NBPF10: variants seen among roughly 807,000 people sequenced by gnomAD.
NBPF10 encodes the protein NBPF member 10.
Under a neutral mutation model 77.9 loss-of-function variants are expected in NBPF10, and 63 were observed. The observed-to-expected ratio is 0.81, with a 90% confidence interval of 0.66 to 1.00. NBPF10 has a LOEUF of 1.00. Ranked by LOEUF, NBPF10 falls within the 50% of genes least tolerant of loss-of-function variation. The probability of loss-of-function intolerance (pLI) is 0.00; values close to 1 mark genes in which losing one functional copy is unlikely to be tolerated. For synonymous variants in NBPF10, 146 were observed against 264.5 expected, an observed-to-expected ratio of 0.55 and a Z score of 4.35; for missense variants, 522 against 679.8, an observed-to-expected ratio of 0.77 and a Z score of 2.58.
Position 146,126,409 on chromosome 1 carries a change from G to T in NBPF10, c.1854-1C>A, listed in dbSNP as rs61816394. The stretch of plus-strand genomic sequence containing the variant: ...CTCATCCAGCAGCTCCCTGCTGAGC[G>T]TGGAAAAGTAGGAAAAAGTAAAGAA... On this transcript the variant is annotated splice_acceptor_variant, in intron 13 of 89. Transcript: ENST00000583866. LOFTEE classifies it high-confidence loss of function. 61 of 1,123,610 alleles carry T rather than the reference G, an allele frequency of 5.4e-5. 1 individual carries two copies. The highest frequency in any genetic ancestry group is 8.0e-5 in the Non-Finnish European group (60 of 746,368). 69.6% of individuals were successfully genotyped at this position (1,123,610 alleles called of 1,614,324 possible). A position where few individuals can be genotyped will look rare whatever the true frequency, so the allele number is the denominator to read the frequency against.
chr1:146,067,405 T>A (rs1298425629), intron 88 of NBPF10, 117 bp from the exon 89 acceptor site: 1 of 323,122 alleles, frequency 3.1e-6, no homozygotes. Flanking sequence ...AATAGGACAC[T>A]GTGAGAGATA....
intron 77 of NBPF10, among the ~76,000 whole-genome samples, chr1:146,076,302 C>CACAG (rs1290400750): frequency 2.1e-4 from 1 of 4,862 alleles, no homozygotes; most frequent in African/African-American, 4.2e-4. Flanking sequence ...CACACACACA[C>CACAG]AGAGAGAGAG....
exon 90 of NBPF10, chr1:146,066,534 T>C (rs1341296230): frequency 8.6e-6 from 6 of 698,896 alleles, no homozygotes; most frequent in Non-Finnish European, 1.1e-5. Context: ...CTTCACGCTC[T>C]TCCACTTCCA....
At chr1:146,076,234 GATAGACACAC>G (rs1475097937) in intron 77 of NBPF10, among the ~76,000 whole-genome samples, 193 bp from the exon 78 acceptor site, 8 of 7,486 alleles carry the variant, frequency 1.1e-3, no homozygotes, top group Non-Finnish European at 2.8e-3. Context: ...GAGAAAGACA[GATAGACACAC>G]ACACACACAC....
exon 14 of NBPF10, chr1:146,126,370 A>T (rs148808255): frequency 0.018 from 24,990 of 1,382,772 alleles, 540 homozygotes; most frequent in Non-Finnish European, 0.021. Flanking sequence ...GTCCTGCAAG[A>T]CTTCAGGCCC....
intron 35 of NBPF10, among the ~76,000 whole-genome samples, chr1:146,109,361 G>GAGAA (rs1183275630): frequency 8.7e-4 from 55 of 63,498 alleles, no homozygotes; most frequent in African/African-American, 2.3e-3. Context: ...GAGAGAGAGA[G>GAGAA]AACGAGCTCA....
rs373313478 is a variant in NBPF10 at position 146,126,250 on chromosome 1, G to A, written c.2012C>T (p.Ala671Val). The change falls in exon 14 of 90, where the codon GCT becomes GTT. Residue 671 changes from alanine to valine, a missense_variant. This residue lies in a region of NBPF10 where 178 missense variants were observed against 77.7 expected (regional missense o/e 2.29). Coordinates refer to ENST00000583866, the Ensembl canonical transcript of NBPF10. ...AAGGTACTCACCATCCATGTCAATAGCCAAGCCAACACGCTGTTGCTCCAA... is the reference window on the plus strand; with the variant it reads ...AAGGTACTCACCATCCATGTCAATAACCAAGCCAACACGCTGTTGCTCCAA... 5 of 1,608,368 alleles carry A rather than the reference G, an allele frequency of 3.1e-6. No individual in the cohort carries two copies. In the South Asian group the frequency reaches 3.3e-5, roughly 11 times the overall value.
chr1:146,137,572 G>C (rs1306624452), intron 6 of NBPF10, among the ~76,000 whole-genome samples: 869 of 90,344 alleles, frequency 9.6e-3, no homozygotes, highest in African/African-American at 0.029. Flanking sequence ...TGTATTTTTA[G>C]TGGAGATGGG....
At chr1:146,118,454 C>G in exon 24 of NBPF10, 1 of 75,758 alleles carries the variant, frequency 1.3e-5, no homozygotes, top group Non-Finnish European at 2.6e-5. Context: ...TCAGGCTGTT[C>G]AAGACAACTG....
chr1:146,076,280 C>CAG (rs1571124178), intron 77 of NBPF10, among the ~76,000 whole-genome samples: 7 of 12,536 alleles, frequency 5.6e-4, no homozygotes, highest in Admixed American at 1.7e-3. Context: ...CACACACACA[C>CAG]ACACACACAC....
intron 71 of NBPF10, among the ~76,000 whole-genome samples, chr1:146,081,020 C>A (rs1295875293): frequency 3.7e-5 from 3 of 80,296 alleles, no homozygotes; most frequent in African/African-American, 9.9e-5. Flanking sequence ...CACACACACA[C>A]ACACACACAC....
chr1:146,081,005 A>G (rs1656254499), intron 71 of NBPF10, among the ~76,000 whole-genome samples: 1 of 80,780 alleles, frequency 1.2e-5, no homozygotes, highest in Non-Finnish European at 3.4e-5. Context: ...ACACACACAC[A>G]CACACACACA....
chr1:146,068,310 T>C, intron 87 of NBPF10, 135 bp from the exon 88 acceptor site: 1 of 136,180 alleles, frequency 7.3e-6, no homozygotes, highest in Admixed American at 1.5e-4. Flanking sequence ...TAATGAATTA[T>C]TGCCTTTATG....
At chr1:146,069,549 T>A in exon 86 of NBPF10, 3 of 949,002 alleles carry the variant, frequency 3.2e-6, no homozygotes, top group Non-Finnish European at 1.6e-6. Flanking sequence ...TCACCATCCA[T>A]GTCAACAGCC....
At chr1:146,126,176 A>T (rs1420666689) in intron 14 of NBPF10, 60 bp downstream of exon 14, 23 of 911,762 alleles carry the variant, frequency 2.5e-5, no homozygotes, top group Middle Eastern at 6.4e-4. Flanking sequence ...TTGCAGTAGG[A>T]ATATGACCCT....
rs1198021763 is a variant in NBPF10 at position 146,135,496 on chromosome 1, GA to G, written c.1116del (p.Gln373ArgfsTer5). 1 of 741,228 alleles carries G rather than the reference GA, an allele frequency of 1.3e-6. No individual in the cohort carries two copies. The highest frequency in any genetic ancestry group is 2.2e-6 in the Non-Finnish European group (1 of 457,674). The allele number at this position is 741,228 out of a possible 1,614,324, so 45.9% of individuals were successfully genotyped here. ...TTTAACTGGGTCAGCTCTCGTTCCT[GA>G]GCGTGAACCAGGACTTTATATTGCC... is the stretch of plus-strand genomic sequence containing the variant. On this transcript the variant is annotated frameshift_variant, in exon 8 of 90. Coordinates refer to ENST00000583866, the Ensembl canonical transcript of NBPF10. LOFTEE classifies it high-confidence loss of function.
chr1:146,134,297 T>G (rs782683046), intron 8 of NBPF10, 32 bp from the exon 9 acceptor site: 5 of 1,599,904 alleles, frequency 3.1e-6, no homozygotes, highest in Non-Finnish European at 4.2e-6. Context: ...TTCAGGTATT[T>G]CCCACTTCAC....
rs1277920966 is a variant in NBPF10, at chr1:146,126,389, C to A, written c.1873G>T (p.Asp625Tyr). The A allele has an allele frequency of 6.9e-6, 9 of 1,309,004 alleles. No individual in the cohort carries two copies. In the Admixed American group the frequency reaches 1.0e-4, roughly 15 times the overall value. The allele number at this position is 1,309,004 out of a possible 1,614,324, so 81.1% of individuals were successfully genotyped here. A position where few individuals can be genotyped will look rare whatever the true frequency, so the allele number is the denominator to read the frequency against. ...TGCAAGACTTCAGGCCCTTTCTCAT[C>A]CAGCAGCTCCCTGCTGAGCGTGGAA... Residue 625 changes from aspartate (D) to tyrosine (Y), a missense_variant, in exon 14 of 90, where the codon GAT (aspartate) becomes TAT (tyrosine). This residue lies in a region of NBPF10 where 178 missense variants were observed against 77.7 expected (regional missense o/e 2.29). Transcript: ENST00000583866.
Position 146,135,919 on chromosome 1 carries a change from C to T in NBPF10, c.1092-398G>A, listed in dbSNP as rs587643406. Among the ~76,000 whole-genome samples the T allele has an allele frequency of 8.9e-5, 13 of 146,148 alleles. 1 individual carries two copies. Among genetic ancestry groups the T allele is most frequent in the Middle Eastern group, 3.4e-3 (1 of 290 alleles). ...GAAATGAGGCCAGGTGCAGATGGGGCGAATTGAAAAGATGAAAGAAGAAAA... is the reference window on the plus strand; with the variant it reads ...GAAATGAGGCCAGGTGCAGATGGGGTGAATTGAAAAGATGAAAGAAGAAAA... On this transcript the variant is annotated intron_variant, in intron 7 of 89. Coordinates refer to ENST00000583866, the Ensembl canonical transcript of NBPF10.
Sources: gnomAD v4.1 joint callset for allele counts (sites outside exome capture counted in the v4.1 genomes callset) on GRCh38, gnomAD v4.1.1 for gene constraint, gnomAD v4.1.1 regional missense constraint, MANE v1.5 for transcripts, NCBI Gene and HGNC (gene_info 2026-07-23, HGNC 2026-07-21) for gene names.